FGF13: variants seen among roughly 807,000 people sequenced by gnomAD.
FGF13 encodes the protein fibroblast growth factor homologous factor 2.
In FGF13, 2 loss-of-function variants were observed where a neutral mutation model predicts 19.5. The observed-to-expected ratio is 0.10, with a 90% CI of 0.04 to 0.32. The LOEUF is 0.32. Among genes scored for constraint, FGF13 ranks in the 10% least tolerant of loss-of-function variants. The pLI is 1.00. For missense variants in FGF13, 113 were observed against 192.7 expected, an observed-to-expected ratio of 0.59 and a Z score of 2.45; for synonymous variants, 72 against 76.9, an observed-to-expected ratio of 0.94 and a Z score of 0.33.
chrX:139,191,011 T>C (rs1265949520), intron 1 of FGF13, among the ~76,000 whole-genome samples: 1 of 112,144 alleles, frequency 8.9e-6, no homozygotes, highest in Non-Finnish European at 1.9e-5. Flanking sequence ...ATATTGTAAC[T>C]ACCTCCACAT....
intron 1 of FGF13, among the ~76,000 whole-genome samples, chrX:139,006,787 G>A (rs1489759316): frequency 9.0e-6 from 1 of 111,323 alleles, no homozygotes; most frequent in Non-Finnish European, 1.9e-5. Context: ...TAAAAATAAT[G>A]GGTTAAAGAC....
chrX:139,184,620 G>A (rs1196910970), intron 1 of FGF13, among the ~76,000 whole-genome samples: 1 of 110,101 alleles, frequency 9.1e-6, no homozygotes, highest in Non-Finnish European at 1.9e-5. Flanking sequence ...ATTGCTTATT[G>A]TATGTCCCTA....
intron 4 of FGF13, among the ~76,000 whole-genome samples, chrX:138,634,716 C>T (rs1339718189): frequency 8.9e-6 from 1 of 112,166 alleles, no homozygotes; most frequent in Non-Finnish European, 1.9e-5. Context: ...CTTACTGCTG[C>T]AAGAATGGCT....
chrX:138,766,892 C>A (rs2124337019), intron 3 of FGF13, among the ~76,000 whole-genome samples: 1 of 111,952 alleles, frequency 8.9e-6, no homozygotes, highest in Non-Finnish European at 1.9e-5. Flanking sequence ...TATAGCTAGC[C>A]AATTATCTCA....
chrX:139,191,081 A>G lies in FGF13; in HGVS notation c.-113+12335T>C, dbSNP rs1194349687. Among the ~76,000 whole-genome samples, 4 of 112,206 alleles carry G rather than the reference A, an allele frequency of 3.6e-5. No individual in the cohort carries two copies. The East Asian group carries it at 8.3e-4, about 23-fold the overall frequency. On this transcript the variant is annotated intron_variant, in intron 1 of 2. Coordinates refer to the FGF13 transcript ENST00000421460. ...TATAAATTGAGTCTCCCCTATATAC[A>G]ATATGGTCAAGAGAGATGCACTCTG...
chrX:138,854,221 A>G (rs759730370), downstream of FGF13, among the ~76,000 whole-genome samples: 1 of 111,908 alleles, frequency 8.9e-6, no homozygotes, highest in Non-Finnish European at 1.9e-5. Context: ...ACATAATATT[A>G]TATCATAAGT....
intron 3 of FGF13, among the ~76,000 whole-genome samples, chrX:138,751,155 G>C (rs956857078): frequency 1.6e-4 from 18 of 111,091 alleles, no homozygotes; most frequent in African/African-American, 5.9e-4. Flanking sequence ...GGTGAAAGTG[G>C]TGGAGACAGT....
chrX:139,098,063 A>G (rs1035892793), intron 1 of FGF13, among the ~76,000 whole-genome samples: 2 of 111,475 alleles, frequency 1.8e-5, no homozygotes, highest in Admixed American at 1.9e-4. Flanking sequence ...AGAAACACAC[A>G]CACACACAAA....
chrX:138,876,250 A>G (rs147733396), intron 1 of FGF13, among the ~76,000 whole-genome samples: 3,936 of 112,373 alleles, frequency 0.035, 65 homozygotes, highest in Middle Eastern at 0.097. Flanking sequence ...ATGATGCCCA[A>G]TGGATTACAC....
intron 1 of FGF13, among the ~76,000 whole-genome samples, chrX:138,709,826 G>A (rs1226595497): frequency 4.5e-5 from 5 of 111,829 alleles, no homozygotes; most frequent in Non-Finnish European, 9.4e-5. Context: ...AAGCCTTTTT[G>A]AAACAAGCCT....
At chrX:138,972,207 T>C (rs1029616580) in intron 1 of FGF13, among the ~76,000 whole-genome samples, 4 of 109,066 alleles carry the variant, frequency 3.7e-5, no homozygotes, top group African/African-American at 6.7e-5. Flanking sequence ...TTTCAATTCC[T>C]TTGGATATAT....
intron 1 of FGF13, among the ~76,000 whole-genome samples, chrX:139,019,792 C>G (rs761856087): frequency 6.4e-4 from 70 of 109,540 alleles, no homozygotes; most frequent in Non-Finnish European, 1.1e-3. Flanking sequence ...CCACAATGAA[C>G]CAGTCTAGAA....
chrX:138,988,587 G>A (rs1736596830), intron 1 of FGF13, among the ~76,000 whole-genome samples: 2 of 112,164 alleles, frequency 1.8e-5, no homozygotes, highest in Non-Finnish European at 1.9e-5. Flanking sequence ...TCTGCCATTA[G>A]TATGCAGAGG....
intron 1 of FGF13, among the ~76,000 whole-genome samples, chrX:139,029,739 G>A (rs779982506): frequency 8.1e-5 from 9 of 111,281 alleles, no homozygotes; most frequent in East Asian, 2.9e-4. Flanking sequence ...CTTAACATAC[G>A]TTATATGAGG....
At position 138,999,726 on chromosome X, in the gene FGF13, GAC is replaced by G. The variant is rs1353735499; in HGVS notation, c.-112-135078_-112-135077del. Among the ~76,000 whole-genome samples the G allele has an allele frequency of 1.4e-4, 16 of 111,773 alleles. 1 individual carries two copies. Among genetic ancestry groups the G allele is most frequent in the African/African-American group, 5.2e-4 (16 of 30,680 alleles). On this transcript the variant is annotated intron_variant, in intron 1 of 2. Transcript: ENST00000421460. The stretch of plus-strand genomic sequence containing the variant: ...ACCAACCAAAAAAAGTCCAGGACCA[GAC>G]ACATTCACAACCGAATTCCACCAGA...
chrX:138,788,478 G>A (rs1279800903), intron 3 of FGF13, among the ~76,000 whole-genome samples: 1 of 112,339 alleles, frequency 8.9e-6, no homozygotes, highest in Admixed American at 9.4e-5. Context: ...TATCCCATAC[G>A]TCATGGCTAT....
At chrX:139,109,725 ATG>A in intron 1 of FGF13, among the ~76,000 whole-genome samples, 1 of 111,741 alleles carries the variant, frequency 8.9e-6, no homozygotes, top group Admixed American at 9.5e-5. Flanking sequence ...TGCATGTTAA[ATG>A]CTTAGAACAG....
At position 138,628,799 on chromosome X, in the gene FGF13, T is replaced by C. The variant is rs2089088438; in HGVS notation, c.*4051A>G. 8.9e-6 allele frequency: 1 copy of C among 111,739 alleles called. No individual in the cohort carries two copies. The allele number at this position is 111,739 out of a possible 1,213,427, so 9.2% of individuals were successfully genotyped here. On this transcript the variant is annotated 3_prime_UTR_variant, in exon 5 of 5. Transcript: ENST00000315930. ...TGGCTTAAAACTGGAACAAATGTAC[T>C]GGTTAGGGAGGGGAGGAGTGCCACA...
At chrX:138,800,844 T>C (rs2090823023) in intron 3 of FGF13, among the ~76,000 whole-genome samples, 1 of 112,155 alleles carries the variant, frequency 8.9e-6, no homozygotes, top group Non-Finnish European at 1.9e-5. Context: ...ATCTTCAAAC[T>C]CTGATATCCT....
Sources: allele counts gnomAD v4.1 joint callset (sites outside exome capture counted in the v4.1 genomes callset), GRCh38; gene constraint gnomAD v4.1.1; transcripts MANE v1.5; gene names NCBI Gene and HGNC (gene_info 2026-07-23, HGNC 2026-07-21).